The following SMAP1 variants were observed in gnomAD, a reference collection of about 807,000 sequenced individuals.
SMAP1 encodes stromal membrane-associated protein 1.
Under a neutral mutation model 58.5 loss-of-function variants are expected in SMAP1, and 24 were observed. The ratio of observed to expected loss-of-function variants is 0.41; its 90% CI spans 0.30 to 0.58. The LOEUF is 0.58. SMAP1 is among the 20% of genes least tolerant of loss of function. SMAP1 has a pLI of 0.29. For synonymous variants in SMAP1, 216 were observed against 196.6 expected (o/e 1.10, Z -0.82); for missense variants, 563 against 566.3 (o/e 0.99, Z 0.06).
At chr6:70,844,219 G>T (rs1770905509) in intron 7 of SMAP1, among the ~76,000 whole-genome samples, 1 of 152,130 alleles carries the variant, frequency 6.6e-6, no homozygotes, top group South Asian at 2.1e-4. Flanking sequence ...GCCATAAAAT[G>T]GTGCAGTGAT....
intron 6 of SMAP1, among the ~76,000 whole-genome samples, chr6:70,826,283 A>T (rs1770114001): frequency 6.6e-6 from 1 of 152,236 alleles, no homozygotes. Flanking sequence ...AAACTAGGGA[A>T]CCAGGAGATT....
intron 1 of SMAP1, among the ~76,000 whole-genome samples, chr6:70,711,497 T>C (rs2149838078): frequency 6.6e-6 from 1 of 152,232 alleles, no homozygotes; most frequent in South Asian, 2.1e-4. Context: ...TTTTGTGTTT[T>C]ACTTTACTGA....
At chr6:70,776,558 G>A (rs1011748486) in intron 4 of SMAP1, among the ~76,000 whole-genome samples, 2 of 152,140 alleles carry the variant, frequency 1.3e-5, no homozygotes, top group African/African-American at 2.4e-5. Flanking sequence ...ATTGTTAGCC[G>A]TACTTACCCT....
At chr6:70,796,328 G>A (rs1768605928) in intron 5 of SMAP1, among the ~76,000 whole-genome samples, 1 of 152,170 alleles carries the variant, frequency 6.6e-6, no homozygotes, top group South Asian at 2.1e-4. Context: ...AGTGAGACCT[G>A]GAAGTTTGGG....
intron 1 of SMAP1, among the ~76,000 whole-genome samples, chr6:70,731,734 C>A (rs186551757): frequency 6.6e-6 from 1 of 152,146 alleles, no homozygotes; most frequent in African/African-American, 2.4e-5. Flanking sequence ...GTTGATGCAA[C>A]GCTTTTTGAA....
Position 70,683,920 on chromosome 6 carries a change from C to T in SMAP1, c.118+15779C>T, listed in dbSNP as rs116870900. Among the ~76,000 whole-genome samples the T allele has an allele frequency of 7.4e-3, 1,128 of 152,290 alleles. 5 individuals are homozygous for T. Among genetic ancestry groups the T allele is most frequent in the Non-Finnish European group, 0.014 (927 of 68,032 alleles). ...ATCTGTCTGTTACTTTGTCAGGTCA[C>T]GTATTAATGTGTTACCCTTGACCTT... On this transcript the variant is annotated intron_variant, in intron 1 of 10. Transcript: ENST00000370455.
At chr6:70,700,464 AT>A (rs1167524215) in intron 1 of SMAP1, among the ~76,000 whole-genome samples, 3 of 152,008 alleles carry the variant, frequency 2.0e-5, no homozygotes, top group Non-Finnish European at 4.4e-5. Flanking sequence ...TGCCTGGCTA[AT>A]TTTTGTGTTT....
At chr6:70,826,876 A>G (rs989547338) in intron 6 of SMAP1, among the ~76,000 whole-genome samples, 1 of 139,416 alleles carries the variant, frequency 7.2e-6, no homozygotes, top group African/African-American at 2.6e-5. Context: ...GCTGCAGTAT[A>G]GTGAACTGTG....
At chr6:70,805,667 G>A (rs200746132) in intron 6 of SMAP1, among the ~76,000 whole-genome samples, 1 of 152,142 alleles carries the variant, frequency 6.6e-6, no homozygotes, top group Non-Finnish European at 1.5e-5. Flanking sequence ...TGATGTTGGT[G>A]ACCTACAGAT....
chr6:70,733,243 A>C (rs951280801), intron 2 of SMAP1, among the ~76,000 whole-genome samples: 3 of 152,214 alleles, frequency 2.0e-5, no homozygotes, highest in Non-Finnish European at 4.4e-5. Flanking sequence ...TCAGTGATAC[A>C]TCTCAGAATC....
chr6:70,715,898 C>T (rs373245749), intron 1 of SMAP1, among the ~76,000 whole-genome samples: 3 of 49,316 alleles, frequency 6.1e-5, no homozygotes, highest in East Asian at 3.2e-4. Context: ...CCACCCTTTT[C>T]CCCCAGTCCC....
chr6:70,854,658 AT>A (rs1320225294), intron 8 of SMAP1, among the ~76,000 whole-genome samples: 1 of 152,146 alleles, frequency 6.6e-6, no homozygotes. Flanking sequence ...TTTCAAAATA[AT>A]GCCTTTGAAA....
chr6:70,783,061 C>T (rs545690571), intron 4 of SMAP1, among the ~76,000 whole-genome samples: 19 of 152,284 alleles, frequency 1.2e-4, no homozygotes, highest in African/African-American at 3.4e-4. Context: ...ACACCTCACA[C>T]GACTGGGTAC....
chr6:70,851,943 GT>G (rs1362915205), intron 7 of SMAP1, among the ~76,000 whole-genome samples: 5 of 151,892 alleles, frequency 3.3e-5, no homozygotes, highest in African/African-American at 1.2e-4. Context: ...TGTGTGTTTT[GT>G]TTTTTCTATC....
intron 7 of SMAP1, chr6:70,838,055 C>T (rs1770667017): frequency 2.6e-6 from 1 of 381,156 alleles, no homozygotes. Context: ...AGGCTTCAGT[C>T]CAGGGGCTCT....
chr6:70,756,175 G>C (rs749654850), intron 3 of SMAP1, among the ~76,000 whole-genome samples: 2 of 151,992 alleles, frequency 1.3e-5, no homozygotes, highest in South Asian at 2.1e-4. Context: ...ATTAATTGTA[G>C]GTACGTGGAT....
At chr6:70,768,487 A>G (rs926794373) in intron 3 of SMAP1, among the ~76,000 whole-genome samples, 8 of 152,212 alleles carry the variant, frequency 5.3e-5, no homozygotes, top group Non-Finnish European at 5.9e-5. Flanking sequence ...GGGAGGGTGT[A>G]TGTGTCGAGG....
chr6:70,767,468 C>T (rs1346211710), intron 3 of SMAP1, among the ~76,000 whole-genome samples: 3 of 152,112 alleles, frequency 2.0e-5, no homozygotes, highest in Non-Finnish European at 1.5e-5. Context: ...CCTTCACATC[C>T]CTTGTAAGTT....
At chr6:70,749,321 G>A (rs1766179165) in intron 2 of SMAP1, among the ~76,000 whole-genome samples, 1 of 152,122 alleles carries the variant, frequency 6.6e-6, no homozygotes, top group Non-Finnish European at 1.5e-5. Context: ...AACACCTGAC[G>A]TGTGGGTATT....
Sources: gnomAD v4.1 joint callset for allele counts (sites outside exome capture counted in the v4.1 genomes callset) on GRCh38, gnomAD v4.1.1 for gene constraint, MANE v1.5 for transcripts, NCBI Gene and HGNC (gene_info 2026-07-23, HGNC 2026-07-21) for gene names.